The following HTR2C variants were observed in gnomAD, a reference collection of about 807,000 sequenced individuals.
HTR2C encodes 5-hydroxytryptamine (serotonin) receptor 2C, G protein-coupled.
A neutral mutation model predicts 21.0 loss-of-function variants in HTR2C; 5 were observed. The ratio of observed to expected loss-of-function variants is 0.24; its 90% CI spans 0.12 to 0.50. The LOEUF is 0.50. Ranked by LOEUF, HTR2C falls within the 20% of genes least tolerant of loss-of-function variation. HTR2C has a pLI of 0.98. For synonymous variants in HTR2C, 150 were observed against 145.3 expected, an observed-to-expected ratio of 1.03 and a Z score of -0.23; for missense variants, 271 against 371.2, an observed-to-expected ratio of 0.73 and a Z score of 2.22.
At chrX:114,683,622 T>C (rs1195602688) in intron 2 of HTR2C, among the ~76,000 whole-genome samples, 6 of 110,483 alleles carry the variant, frequency 5.4e-5, no homozygotes, top group African/African-American at 2.0e-4. Context: ...CTGTCTCTAC[T>C]AAAAACATAA....
intron 2 of HTR2C, among the ~76,000 whole-genome samples, chrX:114,668,161 A>G (rs138547421): frequency 0.018 from 2,006 of 111,774 alleles, 28 homozygotes; most frequent in Middle Eastern, 0.061. Flanking sequence ...ACTCTCAATG[A>G]CAAGTCCTGC....
chrX:114,747,891 C>A (rs1556426681), intron 4 of HTR2C, among the ~76,000 whole-genome samples: 1 of 112,160 alleles, frequency 8.9e-6, no homozygotes, highest in East Asian at 2.8e-4. Context: ...GTGGCTGCAA[C>A]CTGGCTGACA....
intron 4 of HTR2C, among the ~76,000 whole-genome samples, chrX:114,806,409 CAT>C (rs369270511): frequency 0.19 from 2,528 of 13,451 alleles, 502 homozygotes; most frequent in East Asian, 0.55. Context: ...ATATATACAC[CAT>C]ATATATATAC....
intron 2 of HTR2C, among the ~76,000 whole-genome samples, chrX:114,616,539 G>A (rs181799989): frequency 6.6e-4 from 73 of 111,074 alleles, no homozygotes; most frequent in Middle Eastern, 4.7e-3. Context: ...CAACAGCCTC[G>A]GCCTCCCAAA....
intron 4 of HTR2C, among the ~76,000 whole-genome samples, chrX:114,835,437 T>C (rs1236090645): frequency 9.4e-6 from 1 of 106,509 alleles, no homozygotes; most frequent in Non-Finnish European, 1.9e-5. Context: ...ACTTCCCTTC[T>C]CACTTCATTT....
At chrX:114,701,343 G>T (rs1288219412) in intron 2 of HTR2C, among the ~76,000 whole-genome samples, 2 of 111,168 alleles carry the variant, frequency 1.8e-5, no homozygotes, top group African/African-American at 6.5e-5. Flanking sequence ...TCACATGGCC[G>T]GGTACTCCTC....
intron 4 of HTR2C, among the ~76,000 whole-genome samples, chrX:114,820,392 A>C (rs2070621615): frequency 9.1e-6 from 1 of 110,148 alleles, no homozygotes; most frequent in Non-Finnish European, 1.9e-5. Context: ...TTAAAAAAGT[A>C]AATTTGAAAA....
In HTR2C at chrX:114,668,113, T is replaced by C. The variant is rs369834148; in HGVS notation, c.-80+54232T>C. ...CAACACAAATATACCTTTGATTTACTAAGCCAAGTAAAAAATGGAAGTGTT... is the reference window on the plus strand; with the variant it reads ...CAACACAAATATACCTTTGATTTACCAAGCCAAGTAAAAAATGGAAGTGTT... On this transcript the variant is annotated intron_variant, in intron 2 of 5. Transcript: ENST00000276198. 7.2e-5 allele frequency among the ~76,000 whole-genome samples: 8 copies of C among 111,795 alleles called. No individual in the cohort carries two copies. The East Asian group carries it at 1.7e-3, about 24-fold the overall frequency.
At chrX:114,604,570 G>A (rs1177643666) in intron 1 of HTR2C, among the ~76,000 whole-genome samples, 5 of 110,650 alleles carry the variant, frequency 4.5e-5, no homozygotes, top group Admixed American at 2.9e-4. Context: ...GTCTTCAGCC[G>A]CTAATCCGAG....
At chrX:114,856,277 C>T (rs939230810) in intron 5 of HTR2C, among the ~76,000 whole-genome samples, 14 of 99,856 alleles carry the variant, frequency 1.4e-4, no homozygotes, top group African/African-American at 5.1e-4. Flanking sequence ...ATGTGAAGGA[C>T]CTCTTCAAGG....
At chrX:114,732,167 C>T (rs2069543787) in intron 4 of HTR2C, among the ~76,000 whole-genome samples, 1 of 111,805 alleles carries the variant, frequency 8.9e-6, no homozygotes, top group Non-Finnish European at 1.9e-5. Context: ...AGTGTAAGTT[C>T]ATATCATCAC....
intron 2 of HTR2C, among the ~76,000 whole-genome samples, chrX:114,616,081 A>G (rs1192071866): frequency 1.8e-5 from 2 of 111,278 alleles, no homozygotes; most frequent in Admixed American, 1.9e-4. Flanking sequence ...GATATGTACA[A>G]TATATTTATT....
chrX:114,907,132 C>T lies in HTR2C; in HGVS notation c.1094C>T (p.Pro365Leu). The change falls in exon 6 of 6, where the codon CCT becomes CTT. Residue 365 changes from proline (P) to leucine (L), a missense_variant. Coordinates refer to ENST00000276198, the MANE Select transcript of HTR2C (RefSeq NM_000868.4). ...WIGYVCSGIN[P>L]LVYTLFNKIY... ...GGCTATGTTTGTTCAGGAATCAATC[C>T]TCTGGTGTATACTCTGTTCAACAAA... 8.3e-7 allele frequency: 1 copy of T among 1,211,148 alleles called. No homozygotes were observed. The highest frequency in any genetic ancestry group is 1.1e-6 in the Non-Finnish European group (1 of 895,152).
At chrX:114,623,981 T>C (rs886687945) in intron 2 of HTR2C, among the ~76,000 whole-genome samples, 9 of 94,132 alleles carry the variant, frequency 9.6e-5, no homozygotes, top group Non-Finnish European at 1.6e-4. Flanking sequence ...TGATCTCAGG[T>C]CACTGCAACC....
intron 2 of HTR2C, among the ~76,000 whole-genome samples, chrX:114,633,932 G>GTATATATATATATATATA (rs1332332101): frequency 1.1e-5 from 1 of 89,430 alleles, no homozygotes; most frequent in African/African-American, 4.2e-5. Context: ...ATATGCATGT[G>GTATATATATATATATATA]TATATATATA....
At chrX:114,704,586 C>G (rs1340133319) in intron 2 of HTR2C, among the ~76,000 whole-genome samples, 1 of 111,461 alleles carries the variant, frequency 9.0e-6, no homozygotes, top group African/African-American at 3.3e-5. Context: ...CTATGACAAA[C>G]CCACAGCCAA....
At chrX:114,719,872 A>T (rs1556420362) in intron 2 of HTR2C, among the ~76,000 whole-genome samples, 1 of 111,661 alleles carries the variant, frequency 9.0e-6, no homozygotes, top group Non-Finnish European at 1.9e-5. Flanking sequence ...GCTTCATGAG[A>T]TGATTATTGT....
chrX:114,755,334 T>A (rs374849579), intron 4 of HTR2C, among the ~76,000 whole-genome samples: 2 of 111,401 alleles, frequency 1.8e-5, no homozygotes, highest in East Asian at 5.7e-4. Context: ...TCAACTTGTC[T>A]GCAAGGTCAT....
intron 2 of HTR2C, chrX:114,715,122 G>C (rs782382766): frequency 9.0e-6 from 2 of 222,275 alleles, no homozygotes; most frequent in East Asian, 1.0e-4. Context: ...CTTTTTTCCA[G>C]ATGAGACAGC....
Sources: allele counts gnomAD v4.1 joint callset (sites outside exome capture counted in the v4.1 genomes callset), GRCh38; gene constraint gnomAD v4.1.1; transcripts MANE v1.5; gene names NCBI Gene and HGNC (gene_info 2026-07-23, HGNC 2026-07-21).